The following CHI3L1 variants were observed in gnomAD, a reference collection of about 807,000 sequenced individuals.
CHI3L1 encodes the protein chitinase 3 like 1, also known as chitinase-3-like protein 1.
CHI3L1 carries 30 observed loss-of-function variants against 40.7 expected under a neutral mutation model. The observed-to-expected ratio is 0.74, with a 90% CI of 0.55 to 1.00. The LOEUF is 1.00. CHI3L1 is among the 50% of genes least tolerant of loss of function. The pLI is 0.00. For synonymous variants in CHI3L1, 210 were observed against 192.1 expected (o/e 1.09, Z -0.77); for missense variants, 493 against 492.2 (o/e 1.00, Z -0.01).
intron 4 of CHI3L1, 97 bp downstream of exon 4, chr1:203,184,479 G>C (rs1558149147): frequency 1.0e-6 from 1 of 978,298 alleles, no homozygotes; most frequent in African/African-American, 1.6e-5. Flanking sequence ...CTAGTCTGGA[G>C]CCCCTGGAAC....
At position 203,182,743 on chromosome 1, in the gene CHI3L1, G is replaced by A; in HGVS notation, c.575C>T (p.Ala192Val). The A allele has an allele frequency of 1.2e-6, 2 of 1,614,036 alleles. No individual in the cohort carries two copies. Among genetic ancestry groups the A allele is most frequent in the Non-Finnish European group, 1.7e-6 (2 of 1,180,004 alleles). The change falls in exon 6 of 10, where the codon GCC (alanine) becomes GTC (valine). Residue 192 changes from alanine to valine, a missense_variant. Ala to Val is a moderately conservative substitution (Grantham distance 64). Coordinates refer to ENST00000255409, the MANE Select transcript of CHI3L1 (RefSeq NM_001276.4). ...GCAGGAGACTCACTGGGATATCTTG[G>A]CAATGTCATAGCTGCTGTCAATGGT... ...KVTIDSSYDI[A>V]KISQHLDFIS...
chr1:203,186,612 C>T lies in CHI3L1; in HGVS notation c.12G>A (p.Lys4=), dbSNP rs755600240. The T allele has an allele frequency of 6.8e-6, 11 of 1,614,026 alleles. No individual in the cohort carries two copies. The African/African-American group carries it at 1.1e-4, about 16-fold the overall frequency. ...TAGCCCAGATACCTGTTTGAGACGC[C>T]TTCACACCCATTCTGGCTGCAGCAG... MGV[K]ASQTGFVVLV... The change falls in exon 1 of 10, where the codon AAG becomes AAA. Residue 4 remains lysine, a synonymous_variant. Transcript: ENST00000255409.
At chr1:203,180,743 T>C in intron 7 of CHI3L1, 91 bp from the exon 8 acceptor site, 3 of 916,750 alleles carry the variant, frequency 3.3e-6, no homozygotes, top group Non-Finnish European at 5.0e-6. Context: ...CAGGGGTTAT[T>C]GGTGTATGGT....
At chr1:203,182,474 C>A (rs1655956305) in intron 6 of CHI3L1, among the ~76,000 whole-genome samples, 1 of 152,224 alleles carries the variant, frequency 6.6e-6, no homozygotes, top group Non-Finnish European at 1.5e-5. Context: ...ACTTTCATAG[C>A]AGCTCTCTCA....
chr1:203,183,421 C>G (rs1436451708), intron 5 of CHI3L1, among the ~76,000 whole-genome samples: 1 of 152,140 alleles, frequency 6.6e-6, no homozygotes. Flanking sequence ...TCAGTCACAA[C>G]CTTCCACCTC....
chr1:203,180,141 C>T (rs1655903137), intron 8 of CHI3L1: 1 of 571,918 alleles, frequency 1.7e-6, no homozygotes, highest in Non-Finnish European at 3.1e-6. Flanking sequence ...GAGGACAGGC[C>T]CAAGGCCACA....
chr1:203,184,985 G>A (rs566263827), intron 3 of CHI3L1, among the ~76,000 whole-genome samples, 199 bp downstream of exon 3: 18 of 152,174 alleles, frequency 1.2e-4, no homozygotes, highest in African/African-American at 3.1e-4. Flanking sequence ...GCTCAGCTGC[G>A]CTTCCGTCTA....
Position 203,183,680 on chromosome 1 carries a change from A to C in CHI3L1, c.426T>G (p.Pro142=). ...TAAAATGCTGTTTGTCTCTCCGTCC[A>C]GGGTAGAGCCAGGCAAGGTCCAGCC... The part of the protein sequence containing the change: ...FDGLDLAWLY[P]GRRDKQHFTT... The change falls in exon 5 of 10, where the codon CCT becomes CCG. Residue 142 remains proline (P), a synonymous_variant. Coordinates refer to ENST00000255409, the MANE Select transcript of CHI3L1 (RefSeq NM_001276.4). The C allele has an allele frequency of 6.2e-7, 1 of 1,614,190 alleles. No homozygotes were observed. The highest frequency in any genetic ancestry group is 1.1e-5 in the South Asian group (1 of 91,088).
intron 8 of CHI3L1, 120 bp downstream of exon 8, chr1:203,180,350 G>A: frequency 1.0e-6 from 1 of 957,176 alleles, no homozygotes; most frequent in Non-Finnish European, 1.6e-6. Context: ...CAGGCATGCT[G>A]GGGCAACCGG....
intron 1 of CHI3L1, 102 bp from the exon 2 acceptor site, chr1:203,186,447 C>CCCCTG: frequency 6.7e-7 from 1 of 1,487,192 alleles, no homozygotes; most frequent in Non-Finnish European, 9.2e-7. Flanking sequence ...CCCCCACCTC[C>CCCCTG]TGGTTGCAGC....
intron 2 of CHI3L1, among the ~76,000 whole-genome samples, chr1:203,185,814 G>T (rs551868920): frequency 6.6e-6 from 1 of 152,264 alleles, no homozygotes; most frequent in East Asian, 1.9e-4. Flanking sequence ...CTGCAGTGAG[G>T]TCCTTCATCC....
chr1:203,179,642 G>A (rs1191683841), intron 9 of CHI3L1, 57 bp from the exon 10 acceptor site: 1 of 1,613,862 alleles, frequency 6.2e-7, no homozygotes, highest in East Asian at 2.2e-5. Flanking sequence ...AGTGTGTACA[G>A]GGCACATGTG....
At chr1:203,185,098 G>A in intron 3 of CHI3L1, 86 bp downstream of exon 3, 2 of 1,122,618 alleles carry the variant, frequency 1.8e-6, no homozygotes, top group Admixed American at 1.8e-5. Flanking sequence ...AGCAGGGTGG[G>A]GCCTCGCCCT....
chr1:203,182,447 A>G (rs930329261), intron 6 of CHI3L1, among the ~76,000 whole-genome samples: 3 of 152,148 alleles, frequency 2.0e-5, no homozygotes, highest in Non-Finnish European at 4.4e-5. Context: ...AGCTTTTTCC[A>G]CTTCCCTTTC....
At chr1:203,184,394 GCTCT>G (rs1656009989) in intron 4 of CHI3L1, among the ~76,000 whole-genome samples, 178 bp downstream of exon 4, 1 of 152,146 alleles carries the variant, frequency 6.6e-6, no homozygotes, top group South Asian at 2.1e-4. Context: ...GGCAAGTCCT[GCTCT>G]CTCTCTGGGC....
chr1:203,182,603 G>A (rs969621005), intron 6 of CHI3L1, 128 bp downstream of exon 6: 2 of 1,063,926 alleles, frequency 1.9e-6, no homozygotes, highest in Non-Finnish European at 1.4e-6. Flanking sequence ...CACACATCAA[G>A]GCTTTGGAAG....
At chr1:203,186,263 T>C in intron 2 of CHI3L1, 53 bp downstream of exon 2, 1 of 1,553,170 alleles carries the variant, frequency 6.4e-7, no homozygotes, top group Non-Finnish European at 8.7e-7. Context: ...ACACCTGCCC[T>C]GTGCCCTCGC....
chr1:203,179,189 C>T lies in CHI3L1; in HGVS notation c.*256G>A. On this transcript the variant is annotated 3_prime_UTR_variant, in exon 10 of 10. Coordinates refer to ENST00000255409, the MANE Select transcript of CHI3L1 (RefSeq NM_001276.4). ...CAGGCTTGGGGATCTGTAAACATTTCCATTAATCAACAAGTGTGTACTAAT... is the reference window on the plus strand; with the variant it reads ...CAGGCTTGGGGATCTGTAAACATTTTCATTAATCAACAAGTGTGTACTAAT... 1 of 344,078 alleles carries T rather than the reference C, an allele frequency of 2.9e-6. No homozygotes were observed. The highest frequency in any genetic ancestry group is 4.4e-5 in the East Asian group (1 of 22,960). 21.3% of individuals were successfully genotyped at this position (344,078 alleles called of 1,614,324 possible).
At chr1:203,182,307 G>C (rs1655953304) in intron 6 of CHI3L1, among the ~76,000 whole-genome samples, 1 of 152,156 alleles carries the variant, frequency 6.6e-6, no homozygotes, top group Admixed American at 6.5e-5. Context: ...GGGGAGGCCT[G>C]TGTGTATGAG....
Sources: gnomAD v4.1 joint callset for allele counts (sites outside exome capture counted in the v4.1 genomes callset) on GRCh38, gnomAD v4.1.1 for gene constraint, MANE v1.5 for transcripts, NCBI Gene and HGNC (gene_info 2026-07-23, HGNC 2026-07-21) for gene names.